SSU72: variants seen among roughly 807,000 people sequenced by gnomAD.
The protein encoded by SSU72 is SSU72 homolog, RNA polymerase II CTD phosphatase.
SSU72 carries 12 observed loss-of-function variants against 22.7 expected under a neutral mutation model. The observed-to-expected ratio is 0.53, with a 90% CI of 0.34 to 0.86. The LOEUF is 0.86. SSU72 is among the 40% of genes least tolerant of loss of function. The pLI, the probability that SSU72 is intolerant of heterozygous loss-of-function variation, is 0.02. For missense variants in SSU72, 151 were observed against 249.8 expected (o/e 0.60, Z 2.67); for synonymous variants, 116 against 98.3 (o/e 1.18, Z -1.06).
chr1:1,574,546 G>T lies in SSU72; in HGVS notation c.12C>A (p.Ser4=), dbSNP rs1218586493. The T allele has an allele frequency of 6.3e-7, 1 of 1,589,438 alleles. No individual in the cohort carries two copies. The highest frequency in any genetic ancestry group is 8.5e-7 in the Non-Finnish European group (1 of 1,170,604). The part of the protein sequence containing the change: MPS[S]PLRVAVVCSS... Reference sequence around the variant, plus strand: ...AGCACACCACCGCCACCCGCAGCGGGGACGACGGCATGGCGGCGGCCGCAA... The same window carrying T: ...AGCACACCACCGCCACCCGCAGCGGTGACGACGGCATGGCGGCGGCCGCAA... Residue 4 remains serine (S), a synonymous_variant, in exon 1 of 5, where the codon TCC becomes TCA. Coordinates refer to ENST00000291386, the MANE Select transcript of SSU72 (RefSeq NM_014188.3).
At chr1:1,552,339 T>C (rs1297516458) in intron 2 of SSU72, among the ~76,000 whole-genome samples, 1 of 152,224 alleles carries the variant, frequency 6.6e-6, no homozygotes, top group East Asian at 1.9e-4. Flanking sequence ...GTTTCTGTGA[T>C]CGTCCCTGTG....
Position 1,543,887 on chromosome 1 carries a change from G to T in SSU72, c.465C>A (p.Ile155=), listed in dbSNP as rs1206017911. The stretch of plus-strand genomic sequence containing the variant: ...TACTTACACACTGGCAGAGCTCACA[G>T]ATGAGAAACGCCCCCAGGGTGGCCT... ...HEEATLGAFL[I]CELCQCIQHT... The change falls in exon 4 of 5, where the codon ATC becomes ATA. Residue 155 remains isoleucine, a synonymous_variant. Coordinates refer to ENST00000291386, the MANE Select transcript of SSU72 (RefSeq NM_014188.3). 6.2e-7 allele frequency: 1 copy of T among 1,613,716 alleles called. No homozygotes were observed. The highest frequency in any genetic ancestry group is 8.5e-7 in the Non-Finnish European group (1 of 1,179,886).
At chr1:1,569,684 T>G (rs929528683) in intron 1 of SSU72, among the ~76,000 whole-genome samples, 1 of 152,188 alleles carries the variant, frequency 6.6e-6, no homozygotes, top group African/African-American at 2.4e-5. Flanking sequence ...TAAAATGTTT[T>G]GTAATGATAG....
chr1:1,572,539 C>G (rs556252858), intron 1 of SSU72, among the ~76,000 whole-genome samples: 11 of 150,764 alleles, frequency 7.3e-5, no homozygotes, highest in African/African-American at 2.7e-4. Flanking sequence ...TCAATGCAAG[C>G]TCCGCCTCCT....
At chr1:1,557,712 C>T (rs949078535) in intron 2 of SSU72, among the ~76,000 whole-genome samples, 1 of 151,698 alleles carries the variant, frequency 6.6e-6, no homozygotes, top group Non-Finnish European at 1.5e-5. Context: ...GCAGGAGAAT[C>T]GCTTGAACCC....
intron 2 of SSU72, among the ~76,000 whole-genome samples, chr1:1,556,139 T>C (rs1642517365): frequency 6.7e-6 from 1 of 148,646 alleles, no homozygotes; most frequent in Non-Finnish European, 1.5e-5. Context: ...CTACAAAAAA[T>C]ACACAAAGTT....
chr1:1,550,911 G>A (rs1015881475), intron 2 of SSU72, among the ~76,000 whole-genome samples: 3 of 152,080 alleles, frequency 2.0e-5, no homozygotes, highest in East Asian at 1.9e-4. Context: ...GGGGCATCTC[G>A]TGGTCTAGGA....
At chr1:1,555,710 C>T (rs1193536161) in intron 2 of SSU72, among the ~76,000 whole-genome samples, 1 of 152,196 alleles carries the variant, frequency 6.6e-6, no homozygotes, top group African/African-American at 2.4e-5. Context: ...TCAAGAAATA[C>T]ATCTGGGCCG....
intron 2 of SSU72, chr1:1,561,932 CCA>C (rs1337527405): frequency 6.6e-6 from 1 of 152,614 alleles, no homozygotes; most frequent in Non-Finnish European, 1.5e-5. Flanking sequence ...CTTCCCCCCA[CCA>C]CACACCAAGA....
intron 1 of SSU72, among the ~76,000 whole-genome samples, chr1:1,567,550 G>C (rs1031922513): frequency 6.6e-6 from 1 of 152,190 alleles, no homozygotes; most frequent in African/African-American, 2.4e-5. Context: ...TTGTGACTGA[G>C]AGGGTGACGG....
At chr1:1,557,895 G>A (rs990494839) in intron 2 of SSU72, among the ~76,000 whole-genome samples, 2 of 152,156 alleles carry the variant, frequency 1.3e-5, no homozygotes, top group Admixed American at 6.5e-5. Flanking sequence ...GAATTCAGAG[G>A]ACGGACATGA....
At chr1:1,568,388 T>C (rs1202173406) in intron 1 of SSU72, among the ~76,000 whole-genome samples, 1 of 152,050 alleles carries the variant, frequency 6.6e-6, no homozygotes, top group Non-Finnish European at 1.5e-5. Context: ...GCTCAGGAGT[T>C]TGAGACCAGC....
Position 1,546,786 on chromosome 1 carries a change from T to C in SSU72, c.225-1784A>G, listed in dbSNP as rs576405172. ...TCAACCCGGGCGGCGGAGGTTGCAG[T>C]GAGCCGAGATCACACCACGGCACTT... is the stretch of plus-strand genomic sequence containing the variant. On this transcript the variant is annotated intron_variant, in intron 2 of 4. Coordinates refer to ENST00000291386, the MANE Select transcript of SSU72 (RefSeq NM_014188.3). Among the ~76,000 whole-genome samples, 5 of 138,370 alleles carry C rather than the reference T, an allele frequency of 3.6e-5. No homozygotes were observed. In the East Asian group the frequency reaches 1.1e-3, roughly 29 times the overall value. 90.8% of individuals were successfully genotyped at this position (138,370 alleles called of 152,430 possible). A position where few individuals can be genotyped will look rare whatever the true frequency, so the allele number is the denominator to read the frequency against.
chr1:1,547,991 C>A (rs1016645189), intron 2 of SSU72, among the ~76,000 whole-genome samples: 1 of 152,228 alleles, frequency 6.6e-6, no homozygotes, highest in African/African-American at 2.4e-5. Flanking sequence ...CGACACCAGG[C>A]GGAGGGCCTG....
At chr1:1,564,235 C>A in intron 2 of SSU72, 1 of 381,250 alleles carries the variant, frequency 2.6e-6, no homozygotes, top group South Asian at 4.3e-5. Context: ...TCGCGGCAGA[C>A]CTAGCCTGCT....
intron 1 of SSU72, among the ~76,000 whole-genome samples, chr1:1,565,826 C>G (rs1642655038): frequency 6.6e-6 from 1 of 152,150 alleles, no homozygotes; most frequent in Non-Finnish European, 1.5e-5. Flanking sequence ...GTGTCATGTG[C>G]CACCAATGAG....
At position 1,574,551 on chromosome 1, in the gene SSU72, A is replaced by ACGGCATGGCGGCGGC; in HGVS notation, c.-9_6dup (p.Pro2_Ser3insAlaAlaAlaMetPro). 1 of 1,587,936 alleles carries ACGGCATGGCGGCGGC rather than the reference A, an allele frequency of 6.3e-7. No homozygotes were observed. Among genetic ancestry groups the ACGGCATGGCGGCGGC allele is most frequent in the Non-Finnish European group, 8.5e-7 (1 of 1,169,996 alleles). On this transcript the variant is annotated inframe_insertion, in exon 1 of 5. Transcript: ENST00000291386. ...ACCACCGCCACCCGCAGCGGGGACGACGGCATGGCGGCGGCCGCAAATCCC... is the reference window on the plus strand; with the variant it reads ...ACCACCGCCACCCGCAGCGGGGACGACGGCATGGCGGCGGCCGGCATGGCGGCGGCCGCAAATCCC...
intron 2 of SSU72, among the ~76,000 whole-genome samples, chr1:1,557,981 G>A (rs753936321): frequency 6.6e-5 from 10 of 151,336 alleles, no homozygotes; most frequent in Non-Finnish European, 1.3e-4. Context: ...AGGCCAAGGC[G>A]GGCTCATCAC....
chr1:1,561,161 T>A (rs528627991), intron 2 of SSU72: 2 of 152,296 alleles, frequency 1.3e-5, no homozygotes, highest in Non-Finnish European at 2.9e-5. Flanking sequence ...CTCGGCTCAC[T>A]GCAGGCTCTG....
Sources: gnomAD v4.1 joint callset for allele counts (sites outside exome capture counted in the v4.1 genomes callset) on GRCh38, gnomAD v4.1.1 for gene constraint, MANE v1.5 for transcripts, NCBI Gene and HGNC (gene_info 2026-07-23, HGNC 2026-07-21) for gene names.